Variants in CCDC171 observed in about 807,000 individuals in gnomAD.
CCDC171 encodes coiled-coil domain-containing protein 171.
A neutral mutation model predicts 168.2 loss-of-function variants in CCDC171; 177 were observed. That is an observed-to-expected ratio of 1.05 (90% CI 0.93 to 1.19). The LOEUF is 1.19. Ranked by LOEUF, CCDC171 falls within the 50% of genes most tolerant of loss-of-function variation. CCDC171 has a pLI of 0.00. For synonymous variants in CCDC171, 687 were observed against 540.8 expected, an observed-to-expected ratio of 1.27 and a Z score of -3.75; for missense variants, 1,991 against 1,539.0, an observed-to-expected ratio of 1.29 and a Z score of -4.91.
At chr9:15,760,443 T>C (rs2056382227) in intron 18 of CCDC171, among the ~76,000 whole-genome samples, 1 of 152,220 alleles carries the variant, frequency 6.6e-6, no homozygotes. Flanking sequence ...GAACTTGGAC[T>C]CTAGATTTGA....
At chr9:15,572,658 T>C (rs912675002) in intron 3 of CCDC171, among the ~76,000 whole-genome samples, 4 of 152,202 alleles carry the variant, frequency 2.6e-5, no homozygotes, top group Non-Finnish European at 4.4e-5. Flanking sequence ...TTTTAATGTC[T>C]CTCTAAGTGA....
intron 9 of CCDC171, among the ~76,000 whole-genome samples, chr9:15,670,471 T>C (rs1034130940): frequency 2.6e-5 from 4 of 152,214 alleles, no homozygotes; most frequent in African/African-American, 4.8e-5. Context: ...ACTCCTTTGA[T>C]GCATCTACTT....
the CCDC171 span, among the ~76,000 whole-genome samples, chr9:16,100,166 T>G: frequency 6.6e-6 from 1 of 152,180 alleles, no homozygotes; most frequent in African/African-American, 2.4e-5. Flanking sequence ...CTCTAATCTG[T>G]GTGCAGCCAA....
intron 1 of CCDC171, among the ~76,000 whole-genome samples, chr9:15,558,552 T>C (rs142860035): frequency 0.026 from 3,892 of 152,294 alleles, 88 homozygotes; most frequent in Middle Eastern, 0.058. Context: ...TGATGGTAGT[T>C]TGTATTTCTG....
At chr9:15,931,873 G>T (rs1296217536) in intron 25 of CCDC171, among the ~76,000 whole-genome samples, 1 of 151,634 alleles carries the variant, frequency 6.6e-6, no homozygotes, top group Non-Finnish European at 1.5e-5. Flanking sequence ...ATTTATTGAA[G>T]AGATTGTCCT....
intron 7 of CCDC171, among the ~76,000 whole-genome samples, chr9:15,636,681 T>C (rs958487639): frequency 2.0e-5 from 3 of 149,990 alleles, no homozygotes; most frequent in Admixed American, 6.7e-5. Context: ...CCTGGGGAGT[T>C]TGGGCCTGCA....
intron 1 of CCDC171, among the ~76,000 whole-genome samples, chr9:15,557,543 G>C (rs1586936774): frequency 6.6e-6 from 1 of 152,074 alleles, no homozygotes; most frequent in African/African-American, 2.4e-5. Flanking sequence ...CTTTCTGTCT[G>C]TTATTGGTGT....
chr9:16,049,197 A>G lies in CCDC171; in HGVS notation n.89+6311A>G, dbSNP rs1833712782. Among the ~76,000 whole-genome samples, 4 of 152,174 alleles carry G rather than the reference A, an allele frequency of 2.6e-5. No individual in the cohort carries two copies. The South Asian group carries it at 8.3e-4, about 32-fold the overall frequency. On this transcript the variant is annotated intron_variant and non_coding_transcript_variant, in intron 1 of 1. Transcript: ENST00000478913. ...ATTACTGCATTGTGTCAGTTGCATC[A>G]TATTAGGCAGAACAATTACCTTGTT...
chr9:15,895,590 C>T (rs1420070363), intron 24 of CCDC171, among the ~76,000 whole-genome samples: 1 of 152,088 alleles, frequency 6.6e-6, no homozygotes, highest in Admixed American at 6.6e-5. Flanking sequence ...CTCTAATAAT[C>T]TTCATTGTAA....
chr9:15,897,549 A>G (rs1250243894), intron 24 of CCDC171, among the ~76,000 whole-genome samples: 2 of 152,130 alleles, frequency 1.3e-5, no homozygotes, highest in African/African-American at 4.8e-5. Context: ...TATTTGAAAT[A>G]TTTATTTACA....
chr9:15,951,424 G>A (rs537181694), intron 25 of CCDC171, among the ~76,000 whole-genome samples: 47 of 152,062 alleles, frequency 3.1e-4, no homozygotes, highest in Non-Finnish European at 6.3e-4. Context: ...CTACACTGTT[G>A]TACTATTTTA....
At chr9:15,954,553 T>C (rs1181524084) in intron 25 of CCDC171, among the ~76,000 whole-genome samples, 3 of 152,142 alleles carry the variant, frequency 2.0e-5, no homozygotes, top group Non-Finnish European at 2.9e-5. Context: ...GTGCATATGT[T>C]GCTCTGCTTA....
chr9:15,840,450 C>T (rs2060631048), intron 21 of CCDC171, among the ~76,000 whole-genome samples: 1 of 152,052 alleles, frequency 6.6e-6, no homozygotes, highest in Non-Finnish European at 1.5e-5. Context: ...TTTGAGTATG[C>T]TATAGCTGAT....
At chr9:15,989,737 C>A (rs1394331895) in intron 3 of CCDC171, among the ~76,000 whole-genome samples, 2 of 150,722 alleles carry the variant, frequency 1.3e-5, no homozygotes, top group East Asian at 1.9e-4. Flanking sequence ...CCTTAAATGA[C>A]CTGATGGAGC....
chr9:16,051,794 C>A (rs1833754665), intron 1 of CCDC171, among the ~76,000 whole-genome samples: 1 of 152,268 alleles, frequency 6.6e-6, no homozygotes, highest in East Asian at 1.9e-4. Flanking sequence ...TTAGTCTGTT[C>A]TTTTACTGCT....
chr9:15,754,316 G>A (rs1051723383), intron 18 of CCDC171, among the ~76,000 whole-genome samples: 2 of 151,972 alleles, frequency 1.3e-5, no homozygotes, highest in Middle Eastern at 3.2e-3. Flanking sequence ...GTGAAACTGG[G>A]CACGTTATTT....
intron 1 of CCDC171, among the ~76,000 whole-genome samples, chr9:16,059,186 A>G (rs1833889439): frequency 6.6e-6 from 1 of 152,054 alleles, no homozygotes; most frequent in South Asian, 2.1e-4. Context: ...TTTCCCTACC[A>G]CGTTATTGTT....
intron 3 of CCDC171, among the ~76,000 whole-genome samples, chr9:16,000,784 CA>C (rs2132947312): frequency 6.6e-6 from 1 of 151,958 alleles, no homozygotes; most frequent in African/African-American, 2.4e-5. Context: ...TACTCTCTCT[CA>C]ACAAATGTTA....
chr9:15,910,580 A>G (rs1393019487), intron 24 of CCDC171, among the ~76,000 whole-genome samples: 3 of 151,790 alleles, frequency 2.0e-5, no homozygotes, highest in Non-Finnish European at 4.4e-5. Flanking sequence ...AAGTTCTGGG[A>G]TACATGTGCA....
Sources: gnomAD v4.1 joint callset for allele counts (sites outside exome capture counted in the v4.1 genomes callset) on GRCh38, gnomAD v4.1.1 for gene constraint, MANE v1.5 for transcripts, NCBI Gene and HGNC (gene_info 2026-07-23, HGNC 2026-07-21) for gene names.